MCTP1: variants seen among roughly 807,000 people sequenced by gnomAD.
MCTP1 encodes the protein multiple C2 and transmembrane domain containing 1.
Under a neutral mutation model 120.6 loss-of-function variants are expected in MCTP1, and 69 were observed. The observed-to-expected ratio is 0.57, with a 90% confidence interval of 0.47 to 0.70. The LOEUF (loss-of-function observed/expected upper bound fraction) is 0.70, where lower values mean the gene tolerates loss of function less well. Among genes scored for constraint, MCTP1 ranks in the 30% least tolerant of loss-of-function variants. MCTP1 has a pLI of 0.00. For missense variants in MCTP1, 1,203 were observed against 1,248.8 expected (o/e 0.96, Z 0.55); for synonymous variants, 529 against 493.1 (o/e 1.07, Z -0.96).
chr5:95,149,044 G>C (rs1361965593), intron 1 of MCTP1, among the ~76,000 whole-genome samples: 1 of 152,188 alleles, frequency 6.6e-6, no homozygotes, highest in African/African-American at 2.4e-5. Context: ...GAGCTATGCA[G>C]GTCTTTTGTA....
chr5:94,765,385 G>A (rs1200601446), intron 19 of MCTP1, among the ~76,000 whole-genome samples: 2 of 152,092 alleles, frequency 1.3e-5, no homozygotes, highest in Non-Finnish European at 1.5e-5. Context: ...AAGGAAAGAA[G>A]TAATAAAGAT....
chr5:95,196,946 A>T (rs1000720189), intron 1 of MCTP1, among the ~76,000 whole-genome samples: 115 of 152,288 alleles, frequency 7.6e-4, no homozygotes, highest in African/African-American at 2.4e-3. Flanking sequence ...TGATTTTTTT[A>T]AAAAAATTAA....
At chr5:94,945,605 T>C (rs1818721431) in intron 3 of MCTP1, among the ~76,000 whole-genome samples, 1 of 152,212 alleles carries the variant, frequency 6.6e-6, no homozygotes, top group East Asian at 1.9e-4. Flanking sequence ...ACAGTCAAAG[T>C]CTTTGATTTC....
chr5:94,823,330 G>C (rs1786125216), intron 17 of MCTP1, among the ~76,000 whole-genome samples: 1 of 151,952 alleles, frequency 6.6e-6, no homozygotes, highest in Non-Finnish European at 1.5e-5. Context: ...CTTTTGTCAG[G>C]TTTGCCAAAG....
chr5:95,263,323 AGCC>A (rs1758624447), intron 1 of MCTP1, among the ~76,000 whole-genome samples: 3 of 152,198 alleles, frequency 2.0e-5, no homozygotes, highest in Non-Finnish European at 4.4e-5. Flanking sequence ...GCCATTCTTC[AGCC>A]AAGCTATGGA....
chr5:94,935,180 A>G (rs1355992219), intron 5 of MCTP1, among the ~76,000 whole-genome samples: 1 of 152,010 alleles, frequency 6.6e-6, no homozygotes, highest in Admixed American at 6.6e-5. Context: ...AGACTCAATC[A>G]TGACCTCAAT....
At chr5:95,029,086 G>A (rs1288619284) in intron 1 of MCTP1, among the ~76,000 whole-genome samples, 2 of 151,206 alleles carry the variant, frequency 1.3e-5, no homozygotes, top group African/African-American at 4.9e-5. Flanking sequence ...GATCCCGGAG[G>A]CCGAGGTTGT....
chr5:95,133,079 G>C (rs1303864420), intron 1 of MCTP1, among the ~76,000 whole-genome samples: 1 of 152,128 alleles, frequency 6.6e-6, no homozygotes, highest in South Asian at 2.1e-4. Flanking sequence ...CTTTAAAGAA[G>C]TCCTGAGGTG....
chr5:94,832,646 A>ACACC (rs1561712931), intron 17 of MCTP1, among the ~76,000 whole-genome samples: 2 of 132,886 alleles, frequency 1.5e-5, no homozygotes, highest in East Asian at 4.2e-4. Context: ...ACACACACAC[A>ACACC]CTTCCCTACT....
intron 1 of MCTP1, among the ~76,000 whole-genome samples, chr5:95,189,945 T>C (rs563229114): frequency 6.6e-6 from 1 of 152,220 alleles, no homozygotes; most frequent in East Asian, 1.9e-4. Context: ...AGCAGGAGAT[T>C]AAATGATATG....
chr5:94,851,799 G>C (rs1403952707), intron 17 of MCTP1, among the ~76,000 whole-genome samples: 1 of 151,934 alleles, frequency 6.6e-6, no homozygotes, highest in Non-Finnish European at 1.5e-5. Context: ...TCCCTCAACT[G>C]AAGTATGAAT....
intron 1 of MCTP1, among the ~76,000 whole-genome samples, chr5:95,182,611 T>G (rs1339040925): frequency 6.6e-6 from 1 of 152,164 alleles, no homozygotes; most frequent in Non-Finnish European, 1.5e-5. Context: ...ATTTTTACAA[T>G]CATTTTGCAT....
At chr5:94,944,314 C>A (rs1818425345) in intron 3 of MCTP1, among the ~76,000 whole-genome samples, 1 of 152,134 alleles carries the variant, frequency 6.6e-6, no homozygotes, top group East Asian at 1.9e-4. Flanking sequence ...TCTCCTTGAT[C>A]AATTACACTT....
intron 1 of MCTP1, among the ~76,000 whole-genome samples, chr5:95,220,981 C>T (rs7704109): frequency 0.38 from 57,100 of 151,930 alleles, 10,852 homozygotes; most frequent in Middle Eastern, 0.44. Flanking sequence ...GAAAAAATTA[C>T]GCAAAAAGGA....
Position 95,121,578 on chromosome 5 carries a change from G to A in MCTP1, c.721-104094C>T, listed in dbSNP as rs1200988486. The stretch of plus-strand genomic sequence containing the variant: ...TGTTAAAATGTCCATACCAACCAAA[G>A]CAATCTATACATTTAATGTAATCCT... On this transcript the variant is annotated intron_variant, in intron 1 of 22. Transcript: ENST00000515393. Among the ~76,000 whole-genome samples the A allele has an allele frequency of 1.3e-5, 2 of 151,522 alleles. 1 individual carries two copies.
intron 1 of MCTP1, among the ~76,000 whole-genome samples, chr5:95,056,114 T>G (rs1747327239): frequency 6.6e-6 from 1 of 152,174 alleles, no homozygotes; most frequent in African/African-American, 2.4e-5. Flanking sequence ...AGAAGCAAAT[T>G]ATACATGACT....
intron 1 of MCTP1, among the ~76,000 whole-genome samples, chr5:95,264,098 T>C (rs1320411999): frequency 6.6e-6 from 1 of 151,978 alleles, no homozygotes; most frequent in East Asian, 1.9e-4. Flanking sequence ...GCAAGTGGAG[T>C]GTGGATCAGG....
At chr5:94,721,594 T>C (rs952712666) in intron 19 of MCTP1, among the ~76,000 whole-genome samples, 1 of 152,188 alleles carries the variant, frequency 6.6e-6, no homozygotes, top group South Asian at 2.1e-4. Flanking sequence ...TATTCTTTCA[T>C]TGTGGTCTCC....
Position 94,868,328 on chromosome 5 carries a change from C to T in MCTP1, c.2436+5G>A. 6.3e-7 allele frequency: 1 copy of T among 1,593,682 alleles called. No homozygotes were observed. Among genetic ancestry groups the T allele is most frequent in the Non-Finnish European group, 8.5e-7 (1 of 1,171,892 alleles). ...AACAATGTAAGTAATACAGTATGAT[C>T]ATACCACAAAAGCAGCGAGACTCCT... On this transcript the variant is annotated splice_donor_5th_base_variant and intron_variant, in intron 17 of 22. Coordinates refer to ENST00000515393, the MANE Select transcript of MCTP1 (RefSeq NM_024717.7).
Sources: allele counts gnomAD v4.1 joint callset (sites outside exome capture counted in the v4.1 genomes callset), GRCh38; gene constraint gnomAD v4.1.1; transcripts MANE v1.5; gene names NCBI Gene and HGNC (gene_info 2026-07-23, HGNC 2026-07-21).